The following STAC variants were observed in gnomAD, a reference collection of about 807,000 sequenced individuals.
STAC encodes the protein SH3 and cysteine rich domain.
In STAC, 43 loss-of-function variants were observed where a neutral mutation model predicts 48.8. The ratio of observed to expected loss-of-function variants is 0.88; its 90% confidence interval spans 0.69 to 1.14. The LOEUF (loss-of-function observed/expected upper bound fraction) is 1.14, where lower values mean the gene tolerates loss of function less well. Among genes scored for constraint, STAC ranks in the 50% most tolerant of loss-of-function variants. The pLI is 0.00. For synonymous variants in STAC, 193 were observed against 179.5 expected, an observed-to-expected ratio of 1.07 and a Z score of -0.60; for missense variants, 497 against 504.0, an observed-to-expected ratio of 0.99 and a Z score of 0.13.
chr3:36,417,896 A>T (rs1700356140), intron 1 of STAC, among the ~76,000 whole-genome samples: 1 of 152,206 alleles, frequency 6.6e-6, no homozygotes, highest in South Asian at 2.1e-4. Flanking sequence ...CTAATCAGCT[A>T]TTCTTTCATT....
rs150498090 is a variant in STAC at position 36,541,588 on chromosome 3, A to C, written c.1111-4603A>C. Among the ~76,000 whole-genome samples, 503 of 152,322 alleles carry C rather than the reference A, an allele frequency of 3.3e-3. 3 individuals carry two copies. Among genetic ancestry groups the C allele is most frequent in the Non-Finnish European group, 5.8e-3 (392 of 68,024 alleles). ...GAGTCTAAAATATCAAAGATGGAAC[A>C]CTGAATGTTAACATTTAACTCCAAA... On this transcript the variant is annotated intron_variant, in intron 10 of 10. Transcript: ENST00000273183.
intron 2 of STAC, among the ~76,000 whole-genome samples, chr3:36,454,155 T>C (rs1225931119): frequency 1.3e-5 from 2 of 152,164 alleles, no homozygotes; most frequent in Admixed American, 6.5e-5. Flanking sequence ...TCGGATCCTC[T>C]TCCACGCTGT....
intron 2 of STAC, among the ~76,000 whole-genome samples, chr3:36,463,198 G>C (rs1697067494): frequency 6.6e-6 from 1 of 151,978 alleles, no homozygotes; most frequent in Admixed American, 6.5e-5. Context: ...TTGTTATATT[G>C]TGCAACTTCA....
At chr3:36,522,725 G>T (rs530811705) in intron 8 of STAC, among the ~76,000 whole-genome samples, 3 of 152,298 alleles carry the variant, frequency 2.0e-5, no homozygotes, top group African/African-American at 7.2e-5. Flanking sequence ...GAGGTCTCAG[G>T]TTGTCTCAGA....
intron 1 of STAC, among the ~76,000 whole-genome samples, chr3:36,432,373 G>C (rs143943575): frequency 1.1e-4 from 16 of 152,268 alleles, no homozygotes; most frequent in African/African-American, 3.1e-4. Context: ...GGTATGAAAG[G>C]CTCCTCTATC....
chr3:36,426,096 T>C (rs966888386), intron 1 of STAC, among the ~76,000 whole-genome samples: 5 of 152,202 alleles, frequency 3.3e-5, no homozygotes, highest in Non-Finnish European at 5.9e-5. Context: ...AATGTATTAC[T>C]GGGTTGCTCT....
At chr3:36,498,872 A>C (rs1698216502) in intron 6 of STAC, among the ~76,000 whole-genome samples, 1 of 152,234 alleles carries the variant, frequency 6.6e-6, no homozygotes, top group African/African-American at 2.4e-5. Flanking sequence ...CTATACCTAG[A>C]CGTAGGTTGC....
intron 1 of STAC, among the ~76,000 whole-genome samples, chr3:36,385,071 T>C (rs1411859855): frequency 6.6e-6 from 1 of 152,164 alleles, no homozygotes; most frequent in Admixed American, 6.5e-5. Context: ...AACCACTAAG[T>C]TGAAATCTCT....
chr3:36,536,825 T>A, intron 10 of STAC, among the ~76,000 whole-genome samples: 3 of 148,814 alleles, frequency 2.0e-5, no homozygotes, highest in African/African-American at 2.5e-5. Flanking sequence ...TTAAACAAAT[T>A]TACAAAAAAA....
At chr3:36,402,716 A>C (rs1700021229) in intron 1 of STAC, among the ~76,000 whole-genome samples, 1 of 152,188 alleles carries the variant, frequency 6.6e-6, no homozygotes, top group South Asian at 2.1e-4. Flanking sequence ...AAGGAGTATA[A>C]ATGAAAACAT....
intron 1 of STAC, among the ~76,000 whole-genome samples, chr3:36,419,205 T>C (rs186527919): frequency 9.8e-4 from 149 of 152,322 alleles, no homozygotes; most frequent in African/African-American, 3.4e-3. Flanking sequence ...CAATTCTATC[T>C]AATATTAATA....
chr3:36,524,665 T>C (rs1471460185), intron 8 of STAC, among the ~76,000 whole-genome samples: 1 of 152,154 alleles, frequency 6.6e-6, no homozygotes, highest in Non-Finnish European at 1.5e-5. Flanking sequence ...TGGTTTCATC[T>C]TGCATGCCTA....
intron 1 of STAC, among the ~76,000 whole-genome samples, chr3:36,381,307 C>CT (rs1575165485): frequency 6.6e-6 from 1 of 152,238 alleles, no homozygotes; most frequent in East Asian, 1.9e-4. Context: ...AGTTAATACT[C>CT]TAAGAACCTA....
At chr3:36,400,697 GA>G (rs777041094) in intron 1 of STAC, among the ~76,000 whole-genome samples, 5 of 152,164 alleles carry the variant, frequency 3.3e-5, no homozygotes, top group Admixed American at 6.5e-5. Context: ...TTGCAGTTCT[GA>G]CAAGTTTCTG....
intron 1 of STAC, among the ~76,000 whole-genome samples, chr3:36,396,124 C>T (rs1257362604): frequency 6.6e-6 from 1 of 152,060 alleles, no homozygotes; most frequent in African/African-American, 2.4e-5. Context: ...AATGGGAGCC[C>T]CACCCTGGAA....
At chr3:36,465,934 C>T (rs1322154697) in intron 2 of STAC, among the ~76,000 whole-genome samples, 6 of 152,184 alleles carry the variant, frequency 3.9e-5, no homozygotes, top group Non-Finnish European at 5.9e-5. Context: ...TGGCAACACC[C>T]ACCCAGACAC....
chr3:36,520,747 C>CAGAT (rs1294963862), intron 8 of STAC, among the ~76,000 whole-genome samples: 4 of 152,134 alleles, frequency 2.6e-5, no homozygotes, highest in African/African-American at 9.7e-5. Context: ...TCAAGAAACC[C>CAGAT]AGATCTTCCC....
At chr3:36,444,646 C>A (rs1696456411) in intron 2 of STAC, among the ~76,000 whole-genome samples, 1 of 152,218 alleles carries the variant, frequency 6.6e-6, no homozygotes, top group Non-Finnish European at 1.5e-5. Flanking sequence ...AAGACAGGGG[C>A]AACCCCCTAG....
chr3:36,487,789 A>G (rs1869847), intron 5 of STAC, among the ~76,000 whole-genome samples: 138,374 of 152,260 alleles, frequency 0.91, 63,112 homozygotes, highest in African/African-American at 0.98. Context: ...AAAATGTTTC[A>G]CTTCGGTAGA....
Sources: allele counts gnomAD v4.1 joint callset (sites outside exome capture counted in the v4.1 genomes callset), GRCh38; gene constraint gnomAD v4.1.1; transcripts MANE v1.5; gene names NCBI Gene and HGNC (gene_info 2026-07-23, HGNC 2026-07-21).